Variants in NAALADL2 observed in about 807,000 individuals in gnomAD.
NAALADL2 encodes the protein inactive N-acetylated-alpha-linked acidic dipeptidase-like protein 2.
Under a neutral mutation model 87.2 loss-of-function variants are expected in NAALADL2, and 76 were observed. The observed-to-expected ratio is 0.87, with a 90% CI of 0.72 to 1.05. The LOEUF (loss-of-function observed/expected upper bound fraction) is 1.05, where lower values mean the gene tolerates loss of function less well. Ranked by LOEUF, NAALADL2 falls within the 50% of genes least tolerant of loss-of-function variation. The pLI is 0.00. For synonymous variants in NAALADL2, 354 were observed against 331.0 expected (o/e 1.07, Z -0.75); for missense variants, 1,089 against 945.8 (o/e 1.15, Z -1.99).
Position 175,592,490 on chromosome 3 carries a change from G to A in NAALADL2, c.1800+16303G>A, listed in dbSNP as rs575738803. Among the ~76,000 whole-genome samples the A allele has an allele frequency of 2.1e-3, 322 of 151,694 alleles. 2 individuals are homozygous for A. Among genetic ancestry groups the A allele is most frequent in the African/African-American group, 7.2e-3 (297 of 41,330 alleles). On this transcript the variant is annotated intron_variant, in intron 10 of 13. Transcript: ENST00000454872. ...ACTGTAGTTACCTTTTCACGACCAT[G>A]TCATCCTATAAAGTACTTGGAGACT... is the stretch of plus-strand genomic sequence containing the variant.
chr3:175,119,085 T>C (rs374052601), intron 2 of NAALADL2, among the ~76,000 whole-genome samples: 1 of 151,634 alleles, frequency 6.6e-6, no homozygotes, highest in Admixed American at 6.6e-5. Context: ...GTGGTCATTA[T>C]TGACCATATG....
chr3:175,631,932 A>G (rs1405486589), intron 11 of NAALADL2, among the ~76,000 whole-genome samples: 1 of 152,108 alleles, frequency 6.6e-6, no homozygotes, highest in Non-Finnish European at 1.5e-5. Context: ...ACATTCAGCA[A>G]GACACTTGCA....
intron 3 of NAALADL2, among the ~76,000 whole-genome samples, chr3:175,240,819 C>A (rs760648460): frequency 1.3e-5 from 2 of 152,110 alleles, no homozygotes; most frequent in Non-Finnish European, 2.9e-5. Context: ...CCACACCCGG[C>A]TAATTTTGTA....
intron 11 of NAALADL2, among the ~76,000 whole-genome samples, chr3:175,634,601 G>T: frequency 6.8e-6 from 1 of 146,586 alleles, no homozygotes; most frequent in Admixed American, 6.7e-5. Context: ...CAGGCTAATA[G>T]AATTCCTGGT....
At chr3:174,690,785 T>C (rs915117026) in intron 2 of NAALADL2, among the ~76,000 whole-genome samples, 7 of 152,160 alleles carry the variant, frequency 4.6e-5, no homozygotes, top group Non-Finnish European at 5.9e-5. Flanking sequence ...GAATTCTTAA[T>C]GTAAATATCC....
At chr3:174,726,541 G>A (rs569940716) in intron 2 of NAALADL2, among the ~76,000 whole-genome samples, 3 of 151,770 alleles carry the variant, frequency 2.0e-5, no homozygotes, top group Admixed American at 6.6e-5. Flanking sequence ...TTTGCCCAAG[G>A]TGAATGCTTA....
chr3:175,372,487 C>T (rs529997008), intron 5 of NAALADL2, among the ~76,000 whole-genome samples: 20 of 152,252 alleles, frequency 1.3e-4, no homozygotes, highest in Non-Finnish European at 2.6e-4. Context: ...AGATATTAGA[C>T]CCAAGCTCTC....
intron 2 of NAALADL2, among the ~76,000 whole-genome samples, chr3:174,686,829 T>G: frequency 6.6e-6 from 1 of 152,022 alleles, no homozygotes; most frequent in East Asian, 1.9e-4. Flanking sequence ...AAATTATAAT[T>G]ATAAAACTAT....
intron 2 of NAALADL2, among the ~76,000 whole-genome samples, chr3:175,126,129 A>C (rs764282275): frequency 3.9e-5 from 6 of 152,098 alleles, no homozygotes; most frequent in Admixed American, 3.3e-4. Context: ...AGAAGGAGTA[A>C]TTGGTGATTG....
At chr3:175,131,273 G>C (rs924337359) in intron 2 of NAALADL2, among the ~76,000 whole-genome samples, 1 of 151,630 alleles carries the variant, frequency 6.6e-6, no homozygotes, top group Non-Finnish European at 1.5e-5. Flanking sequence ...AAAGGTCTCT[G>C]GTTTTCCTAG....
At chr3:174,447,670 C>T (rs9825970) in intron 1 of NAALADL2, among the ~76,000 whole-genome samples, 26,107 of 151,640 alleles carry the variant, frequency 0.17, 4,000 homozygotes, top group East Asian at 0.48. Context: ...ACAAAAATAG[C>T]CGGGTGTGGT....
chr3:175,164,974 C>T (rs1733773629), intron 2 of NAALADL2, among the ~76,000 whole-genome samples: 1 of 152,084 alleles, frequency 6.6e-6, no homozygotes, highest in South Asian at 2.1e-4. Context: ...TCTGCCGCAC[C>T]CCTTGCCATG....
chr3:175,123,205 A>G (rs1222429850), intron 2 of NAALADL2, among the ~76,000 whole-genome samples: 1 of 151,956 alleles, frequency 6.6e-6, no homozygotes, highest in Admixed American at 6.6e-5. Context: ...AGGAAGGACA[A>G]AATCACTTGG....
intron 2 of NAALADL2, among the ~76,000 whole-genome samples, chr3:174,628,662 G>A (rs1033851966): frequency 6.6e-6 from 1 of 152,068 alleles, no homozygotes; most frequent in Admixed American, 6.6e-5. Flanking sequence ...TGCTGACAGA[G>A]CTATTATTGT....
intron 5 of NAALADL2, among the ~76,000 whole-genome samples, chr3:175,356,605 ATAAT>A (rs1560421637): frequency 1.5e-5 from 2 of 133,336 alleles, no homozygotes; most frequent in Non-Finnish European, 3.2e-5. Context: ...AATAATAATA[ATAAT>A]AAAGAAATAA....
At chr3:175,695,893 T>C (rs1737735226) in intron 11 of NAALADL2, among the ~76,000 whole-genome samples, 2 of 152,112 alleles carry the variant, frequency 1.3e-5, no homozygotes, top group Non-Finnish European at 2.9e-5. Flanking sequence ...TAGATTAAAA[T>C]GGCAATACAA....
intron 1 of NAALADL2, among the ~76,000 whole-genome samples, chr3:175,082,675 T>TTTATAAAGAATA: frequency 6.6e-6 from 1 of 152,328 alleles, no homozygotes; most frequent in African/African-American, 2.4e-5. Flanking sequence ...AAAGAATAAC[T>TTTATAAAGAATA]AAAAATATTT....
chr3:174,529,440 G>T (rs1721046323), intron 1 of NAALADL2, among the ~76,000 whole-genome samples: 1 of 152,154 alleles, frequency 6.6e-6, no homozygotes, highest in African/African-American at 2.4e-5. Flanking sequence ...AGCTGTCAGT[G>T]GATCTACCAT....
At chr3:174,907,830 C>G (rs1311393670) in intron 1 of NAALADL2, among the ~76,000 whole-genome samples, 2 of 151,916 alleles carry the variant, frequency 1.3e-5, no homozygotes, top group Non-Finnish European at 2.9e-5. Context: ...ACTAAAGTTC[C>G]CTGCCTAAAG....
Sources: allele counts gnomAD v4.1 joint callset (sites outside exome capture counted in the v4.1 genomes callset), GRCh38; gene constraint gnomAD v4.1.1; transcripts MANE v1.5; gene names NCBI Gene and HGNC (gene_info 2026-07-23, HGNC 2026-07-21).